Variants in RABGAP1L observed in about 807,000 individuals in gnomAD.
RABGAP1L encodes RAB GTPase activating protein 1 like.
In RABGAP1L, 63 loss-of-function variants were observed where a neutral mutation model predicts 137.7. The ratio of observed to expected loss-of-function variants is 0.46; its 90% CI spans 0.37 to 0.56. The LOEUF (loss-of-function observed/expected upper bound fraction) is 0.56, where lower values mean the gene tolerates loss of function less well. RABGAP1L is among the 20% of genes least tolerant of loss of function. The pLI, the probability that RABGAP1L is intolerant of heterozygous loss-of-function variation, is 0.00. For synonymous variants in RABGAP1L, 431 were observed against 433.7 expected (o/e 0.99, Z 0.08); for missense variants, 1,095 against 1,244.0 (o/e 0.88, Z 1.80).
chr1:174,530,041 T>C (rs1157941974), intron 13 of RABGAP1L, among the ~76,000 whole-genome samples: 1 of 151,906 alleles, frequency 6.6e-6, no homozygotes, highest in African/African-American at 2.4e-5. Flanking sequence ...CAGGAGTGGG[T>C]CAATGCGCAT....
intron 13 of RABGAP1L, among the ~76,000 whole-genome samples, chr1:174,503,658 C>CAAAAAAAAAAAAAAAAA (rs61588327): frequency 9.6e-6 from 1 of 103,656 alleles, no homozygotes. Flanking sequence ...GAGACTCCGT[C>CAAAAAAAAAAAAAAAAA]AAAAAAAAAA....
rs185060639 is a variant in RABGAP1L at position 174,885,528 on chromosome 1, T to C, written c.2341-71929T>C. Among the ~76,000 whole-genome samples the C allele has an allele frequency of 8.5e-4, 111 of 130,122 alleles. 1 individual carries two copies. The highest frequency in any genetic ancestry group is 2.8e-3 in the African/African-American group (103 of 36,646). The allele number at this position is 130,122 out of a possible 152,430, so 85.4% of individuals were successfully genotyped here. A position where few individuals can be genotyped will look rare whatever the true frequency, so the allele number is the denominator to read the frequency against. ...GCATGTCACCGTGCCTGGCTAATTT[T>C]TTATTTTTGTAGAGATGGGGTTTCA... On this transcript the variant is annotated intron_variant, in intron 19 of 25. Transcript: ENST00000681986.
intron 1 of RABGAP1L, among the ~76,000 whole-genome samples, chr1:174,168,264 C>CAA (rs3056992): frequency 4.6e-4 from 30 of 64,712 alleles, no homozygotes; most frequent in African/African-American, 5.8e-4. Context: ...GACTCGGTCT[C>CAA]AAAAAAAAAA....
intron 18 of RABGAP1L, among the ~76,000 whole-genome samples, chr1:174,765,889 G>A (rs1685629202): frequency 6.6e-6 from 1 of 152,080 alleles, no homozygotes; most frequent in Non-Finnish European, 1.5e-5. Flanking sequence ...GTTAATTTTT[G>A]TATATGATGT....
intron 12 of RABGAP1L, among the ~76,000 whole-genome samples, chr1:174,386,533 G>C (rs1686796461): frequency 2.0e-5 from 3 of 151,270 alleles, no homozygotes; most frequent in Admixed American, 2.0e-4. Context: ...TTGAGATGGA[G>C]TTTCACTCTT....
chr1:174,580,202 A>G (rs1343051485), intron 13 of RABGAP1L, among the ~76,000 whole-genome samples: 1 of 152,258 alleles, frequency 6.6e-6, no homozygotes, highest in Admixed American at 6.5e-5. Flanking sequence ...AAGGCAATCT[A>G]GAGAAGAGGA....
intron 20 of RABGAP1L, among the ~76,000 whole-genome samples, chr1:174,967,167 C>CTTT (rs538764662): frequency 7.2e-6 from 1 of 139,748 alleles, no homozygotes; most frequent in Non-Finnish European, 1.6e-5. Context: ...TTCTTTCTTT[C>CTTT]TTTTTTTTTT....
At chr1:174,227,739 T>C (rs1473467976) in intron 3 of RABGAP1L, among the ~76,000 whole-genome samples, 1 of 152,196 alleles carries the variant, frequency 6.6e-6, no homozygotes, top group African/African-American at 2.4e-5. Context: ...ATTCTAATAA[T>C]GTCATAACAC....
chr1:174,264,798 T>C (rs189501234), intron 7 of RABGAP1L, among the ~76,000 whole-genome samples: 113 of 146,950 alleles, frequency 7.7e-4, no homozygotes, highest in African/African-American at 2.7e-3. Context: ...CGAATAGAAA[T>C]GGGAAAAAAT....
Position 174,456,658 on chromosome 1 carries a change from A to G in RABGAP1L, c.1710+62513A>G, listed in dbSNP as rs529986173. On this transcript the variant is annotated intron_variant, in intron 13 of 25. Coordinates refer to ENST00000681986, the MANE Select transcript of RABGAP1L (RefSeq NM_001366446.1). ...TCAGTTTTATTTCAATGAAATAAAT[A>G]TAGTTACAGAAAAATTAAAGGAACT... Among the ~76,000 whole-genome samples, 56 of 152,236 alleles carry G rather than the reference A, an allele frequency of 3.7e-4. No individual in the cohort carries two copies. The South Asian group carries it at 0.01, about 28-fold the overall frequency.
intron 19 of RABGAP1L, among the ~76,000 whole-genome samples, chr1:174,952,835 C>T (rs966566838): frequency 6.6e-6 from 1 of 151,994 alleles, no homozygotes; most frequent in East Asian, 2.0e-4. Context: ...AGTGATCCAC[C>T]CACCTTGACT....
intron 13 of RABGAP1L, among the ~76,000 whole-genome samples, chr1:174,540,311 A>G (rs529819453): frequency 2.0e-5 from 3 of 152,146 alleles, no homozygotes; most frequent in African/African-American, 4.8e-5. Context: ...AATCCCATTT[A>G]TCTATTTTGG....
intron 13 of RABGAP1L, among the ~76,000 whole-genome samples, chr1:174,588,119 G>T (rs940443024): frequency 5.9e-5 from 9 of 152,024 alleles, no homozygotes; most frequent in Admixed American, 5.9e-4. Context: ...ACCCGCCTCG[G>T]CTTCCAAAAG....
chr1:174,783,919 A>G (rs1028824101), intron 18 of RABGAP1L, among the ~76,000 whole-genome samples: 14 of 150,156 alleles, frequency 9.3e-5, no homozygotes, highest in African/African-American at 2.9e-4. Context: ...CATATTGGCC[A>G]GGATGGTCTC....
chr1:174,800,179 T>C (rs1688623720), intron 18 of RABGAP1L: 2 of 1,397,628 alleles, frequency 1.4e-6, no homozygotes, highest in South Asian at 1.7e-5. Flanking sequence ...AGCCAAAATG[T>C]TTTTCTTGTG....
chr1:174,414,809 A>G (rs1372248168), intron 13 of RABGAP1L, among the ~76,000 whole-genome samples: 4 of 152,104 alleles, frequency 2.6e-5, no homozygotes, highest in Non-Finnish European at 5.9e-5. Context: ...CTACTTATGA[A>G]ATAGAAGTGT....
chr1:174,571,557 G>A (rs570712373), intron 13 of RABGAP1L, among the ~76,000 whole-genome samples: 1 of 151,824 alleles, frequency 6.6e-6, no homozygotes, highest in Non-Finnish European at 1.5e-5. Context: ...CACCTACTGT[G>A]TACCCACGAA....
chr1:174,811,013 G>T (rs1286319968), intron 18 of RABGAP1L, among the ~76,000 whole-genome samples: 1 of 151,946 alleles, frequency 6.6e-6, no homozygotes, highest in Non-Finnish European at 1.5e-5. Flanking sequence ...GAGGCGGGAG[G>T]ATCACTTGAG....
intron 13 of RABGAP1L, among the ~76,000 whole-genome samples, chr1:174,627,972 T>A (rs1673044235): frequency 6.6e-6 from 1 of 152,158 alleles, no homozygotes; most frequent in Non-Finnish European, 1.5e-5. Flanking sequence ...TCAACTATTT[T>A]TTATCTTTAA....
Sources: gnomAD v4.1 joint callset for allele counts (sites outside exome capture counted in the v4.1 genomes callset) on GRCh38, gnomAD v4.1.1 for gene constraint, MANE v1.5 for transcripts, NCBI Gene and HGNC (gene_info 2026-07-23, HGNC 2026-07-21) for gene names.